The following HEMGN variants were observed in gnomAD, a reference collection of about 807,000 sequenced individuals.
HEMGN encodes hemogen, also known as erythroid differentiation-associated gene protein.
In HEMGN, 32 loss-of-function variants were observed where a neutral mutation model predicts 45.7. The observed-to-expected ratio is 0.70, with a 90% CI of 0.53 to 0.94. HEMGN has a LOEUF of 0.94. HEMGN is among the 40% of genes least tolerant of loss of function. The pLI is 0.00. For synonymous variants in HEMGN, 183 were observed against 178.6 expected, an observed-to-expected ratio of 1.02 and a Z score of -0.20; for missense variants, 530 against 564.2, an observed-to-expected ratio of 0.94 and a Z score of 0.61.
rs1245060460 is a variant in HEMGN at position 97,930,812 on chromosome 9, T to G, written c.583A>C (p.Lys195Gln). Reference protein sequence around the residue: ...DNSSKICQDMKEPEDNSPNTC... With the variant: ...DNSSKICQDMQEPEDNSPNTC... ...TTAGGAGAGTTGTCTTCAGGTTCCTTCATGTCTTGGCATATTTTGGAAGAA... is the reference window on the plus strand; with the variant it reads ...TTAGGAGAGTTGTCTTCAGGTTCCTGCATGTCTTGGCATATTTTGGAAGAA... Residue 195 changes from lysine to glutamine, a missense_variant, in exon 3 of 4, where the codon AAG becomes CAG. Transcript: ENST00000616898. 1.2e-6 allele frequency: 2 copies of G among 1,614,072 alleles called. No homozygotes were observed. The highest frequency in any genetic ancestry group is 1.7e-6 in the Non-Finnish European group (2 of 1,180,030).
At chr9:97,928,025 A>AT (rs568022099) in intron 3 of HEMGN, among the ~76,000 whole-genome samples, 3,100 of 127,456 alleles carry the variant, frequency 0.024, 95 homozygotes, top group African/African-American at 0.065. Context: ...GATCAAGTGT[A>AT]TTTTTTTTTT....
In HEMGN at chr9:97,930,101, C is replaced by A. The variant is rs762297706; in HGVS notation, c.1294G>T (p.Gly432Trp). 6.2e-7 allele frequency: 1 copy of A among 1,614,138 alleles called. No individual in the cohort carries two copies. The highest frequency in any genetic ancestry group is 1.1e-5 in the South Asian group (1 of 91,070). Reference sequence around the variant, plus strand: ...GCTTTAGGATCCTGGCCTTGGGGCCCACCTGTTTCTTGGTGTGGTTCTGGA... The same window carrying A: ...GCTTTAGGATCCTGGCCTTGGGGCCAACCTGTTTCTTGGTGTGGTTCTGGA... ...CFPEPHQETG[G>W]PQGQDPKAHQ... Residue 432 changes from glycine to tryptophan, a missense_variant, in exon 3 of 4, where the codon GGG becomes TGG. By Grantham distance (184) the Gly-to-Trp change is radical (BLOSUM62 -2). Coordinates refer to ENST00000616898, the MANE Select transcript of HEMGN (RefSeq NM_197978.3).
intron 2 of HEMGN, among the ~76,000 whole-genome samples, chr9:97,934,280 G>A (rs1827013007): frequency 6.6e-6 from 1 of 152,128 alleles, no homozygotes; most frequent in Non-Finnish European, 1.5e-5. Flanking sequence ...CTGGGAGGCA[G>A]AGGTTGCAGT....
intron 2 of HEMGN, among the ~76,000 whole-genome samples, chr9:97,932,014 A>G (rs1242924617): frequency 6.6e-6 from 1 of 152,158 alleles, no homozygotes; most frequent in Non-Finnish European, 1.5e-5. Flanking sequence ...GGGAAGTACT[A>G]TAAATAAGCA....
upstream of HEMGN, among the ~76,000 whole-genome samples, chr9:97,941,060 A>T (rs1194834727): frequency 3.3e-5 from 5 of 152,206 alleles, no homozygotes; most frequent in Admixed American, 2.6e-4. Flanking sequence ...GAGATAAACA[A>T]TAAGGAAATA....
chr9:97,929,890 A>C, intron 3 of HEMGN, 145 bp downstream of exon 3: 2 of 674,352 alleles, frequency 3.0e-6, no homozygotes, highest in Non-Finnish European at 5.1e-6. Flanking sequence ...CGTTGGTTGC[A>C]TGAAAATATT....
chr9:97,942,889 A>G (rs1467975993), upstream of HEMGN, among the ~76,000 whole-genome samples: 1 of 152,212 alleles, frequency 6.6e-6, no homozygotes, highest in Non-Finnish European at 1.5e-5. Flanking sequence ...GGCTATATTG[A>G]TAAAAATTAT....
At chr9:97,942,408 CA>C (rs1827166741), upstream of HEMGN, among the ~76,000 whole-genome samples, 4 of 151,846 alleles carry the variant, frequency 2.6e-5, no homozygotes, top group Non-Finnish European at 5.9e-5. Flanking sequence ...CTCAGCCTCC[CA>C]AGTAGCTGGG....
At chr9:97,927,671 A>G (rs1306955091) in intron 3 of HEMGN, among the ~76,000 whole-genome samples, 193 bp from the exon 4 acceptor site, 1 of 152,218 alleles carries the variant, frequency 6.6e-6, no homozygotes, top group Non-Finnish European at 1.5e-5. Context: ...CAGAACACAG[A>G]GACCAGAAAC....
intron 3 of HEMGN, among the ~76,000 whole-genome samples, chr9:97,928,106 A>C (rs1322877170): frequency 6.7e-6 from 1 of 149,342 alleles, no homozygotes; most frequent in Non-Finnish European, 1.5e-5. Context: ...TGCTCACTGC[A>C]AGCTCCGCCT....
intron 1 of HEMGN, among the ~76,000 whole-genome samples, chr9:97,944,599 G>T (rs375772544): frequency 2.0e-4 from 31 of 152,290 alleles, no homozygotes; most frequent in African/African-American, 7.2e-4. Flanking sequence ...TCCTGCTACA[G>T]CTGGCTCTGA....
chr9:97,933,914 A>G (rs1827004537), intron 2 of HEMGN, among the ~76,000 whole-genome samples: 1 of 152,248 alleles, frequency 6.6e-6, no homozygotes, highest in South Asian at 2.1e-4. Context: ...CAGCAAGCCC[A>G]GAAACCTGAT....
intron 1 of HEMGN, among the ~76,000 whole-genome samples, chr9:97,937,374 C>T (rs1407154735): frequency 6.6e-6 from 1 of 152,062 alleles, no homozygotes; most frequent in Admixed American, 6.6e-5. Context: ...CTCTCCCTCC[C>T]CCTCAGCATA....
chr9:97,930,063 A>G lies in HEMGN; in HGVS notation c.1332T>C (p.Asp444=). The G allele has an allele frequency of 6.2e-7, 1 of 1,613,782 alleles. No homozygotes were observed. Among genetic ancestry groups the G allele is most frequent in the Non-Finnish European group, 8.5e-7 (1 of 1,179,944 alleles). Residue 444 remains aspartate, a synonymous_variant, in exon 3 of 4, where the codon GAT becomes GAC. Transcript: ENST00000616898. The part of the protein sequence containing the change: ...QGQDPKAHQE[D]AKDAYTFPQE... ...GAGGAAAAGTATAAGCATCTTTAGC[A>G]TCTTCCTGGTGTGCTTTAGGATCCT...
At chr9:97,942,433 AC>A (rs1439931616), upstream of HEMGN, among the ~76,000 whole-genome samples, 1 of 151,762 alleles carries the variant, frequency 6.6e-6, no homozygotes, top group East Asian at 1.9e-4. Context: ...ACAGGCATAC[AC>A]CACCATGCCT....
chr9:97,932,609 G>T (rs1826975879), intron 2 of HEMGN, among the ~76,000 whole-genome samples: 1 of 152,082 alleles, frequency 6.6e-6, no homozygotes. Context: ...TTCAAGACCA[G>T]CCTGGCCAAC....
chr9:97,937,778 G>A (rs1401086710), intron 1 of HEMGN, among the ~76,000 whole-genome samples: 1 of 152,062 alleles, frequency 6.6e-6, no homozygotes, highest in Non-Finnish European at 1.5e-5. Flanking sequence ...TAGATCCAAG[G>A]ACTGAGATTA....
In HEMGN at chr9:97,927,083, TA is replaced by T. The variant is rs1191128833; in HGVS notation, c.*300del. The T allele has an allele frequency of 2.4e-5, 5 of 205,308 alleles. No individual in the cohort carries two copies. The highest frequency in any genetic ancestry group is 1.6e-4 in the South Asian group (1 of 6,260). 12.7% of individuals were successfully genotyped at this position (205,308 alleles called of 1,614,324 possible). On this transcript the variant is annotated 3_prime_UTR_variant, in exon 4 of 4. Transcript: ENST00000616898. ...CTCTTAAGACGTAAATAAATGTTCT[TA>T]GGGGGGAAAACCAATTATCCAGTCC...
At chr9:97,941,463 G>C (rs79978411), upstream of HEMGN, among the ~76,000 whole-genome samples, 4,633 of 152,272 alleles carry the variant, frequency 0.03, 95 homozygotes, top group Middle Eastern at 0.061. Context: ...GCTACTATGT[G>C]GGACAGGGGC....
Sources: allele counts gnomAD v4.1 joint callset (sites outside exome capture counted in the v4.1 genomes callset), GRCh38; gene constraint gnomAD v4.1.1; transcripts MANE v1.5; gene names NCBI Gene and HGNC (gene_info 2026-07-23, HGNC 2026-07-21).